Variants in GTF2F2 observed in about 807,000 individuals in gnomAD.
GTF2F2 encodes ATP-dependent helicase GTF2F2.
A neutral mutation model predicts 42.2 loss-of-function variants in GTF2F2; 23 were observed. The ratio of observed to expected loss-of-function variants is 0.55; its 90% CI spans 0.39 to 0.77. GTF2F2 has a LOEUF of 0.77. Ranked by LOEUF, GTF2F2 falls within the 30% of genes least tolerant of loss-of-function variation. The pLI, the probability that GTF2F2 is intolerant of heterozygous loss-of-function variation, is 0.00. For synonymous variants in GTF2F2, 105 were observed against 100.8 expected (o/e 1.04, Z -0.25); for missense variants, 261 against 287.2 (o/e 0.91, Z 0.66).
chr13:45,239,905 G>GC (rs1272670951), intron 5 of GTF2F2, among the ~76,000 whole-genome samples: 1 of 151,978 alleles, frequency 6.6e-6, no homozygotes, highest in Non-Finnish European at 1.5e-5. Context: ...CCCCCACTCT[G>GC]CCCCTTACAA....
intron 6 of GTF2F2, among the ~76,000 whole-genome samples, chr13:45,266,633 A>T (rs1876571372): frequency 6.6e-6 from 1 of 152,232 alleles, no homozygotes; most frequent in African/African-American, 2.4e-5. Context: ...AGTTAACCGC[A>T]CTGAATTGAT....
At chr13:45,149,839 A>G in intron 3 of GTF2F2, 51 bp downstream of exon 3, 4 of 1,449,258 alleles carry the variant, frequency 2.8e-6, no homozygotes, top group Middle Eastern at 2.0e-4. Flanking sequence ...CTATCTTTTC[A>G]TTAATAATAG....
At chr13:45,234,998 T>C (rs1874882972) in intron 5 of GTF2F2, among the ~76,000 whole-genome samples, 1 of 130,734 alleles carries the variant, frequency 7.6e-6, no homozygotes, top group Admixed American at 9.2e-5. Context: ...TGAGCCAAGA[T>C]TGTGCCATTG....
intron 5 of GTF2F2, among the ~76,000 whole-genome samples, chr13:45,213,232 C>T (rs1487247634): frequency 1.3e-5 from 2 of 152,090 alleles, no homozygotes; most frequent in Admixed American, 6.5e-5. Flanking sequence ...GCACCCGCCA[C>T]CACGCCCGGC....
At chr13:45,237,680 GT>G (rs1875061427) in intron 5 of GTF2F2, among the ~76,000 whole-genome samples, 1 of 152,012 alleles carries the variant, frequency 6.6e-6, no homozygotes, top group Admixed American at 6.6e-5. Context: ...TCAGAGCTTG[GT>G]TTCAGACCTG....
intron 6 of GTF2F2, among the ~76,000 whole-genome samples, chr13:45,264,215 C>T (rs1006302083): frequency 4.6e-5 from 7 of 151,764 alleles, no homozygotes; most frequent in African/African-American, 1.7e-4. Flanking sequence ...CCAACATTAA[C>T]TTCAATTTGA....
intron 6 of GTF2F2, 125 bp from the exon 7 acceptor site, chr13:45,267,108 C>G: frequency 1.5e-6 from 1 of 683,332 alleles, no homozygotes; most frequent in Non-Finnish European, 2.4e-6. Context: ...GAGATCATGC[C>G]ACTGCACTCC....
chr13:45,191,224 A>AAAAAAAAATAT, intron 4 of GTF2F2, among the ~76,000 whole-genome samples: 19 of 75,308 alleles, frequency 2.5e-4, no homozygotes, highest in African/African-American at 1.7e-3. Flanking sequence ...ACAAAAAAAA[A>AAAAAAAAATAT]ATATATATAT....
chr13:45,186,449 A>G (rs1000985760), intron 4 of GTF2F2, among the ~76,000 whole-genome samples: 1 of 148,622 alleles, frequency 6.7e-6, no homozygotes, highest in African/African-American at 2.5e-5. Context: ...CCACCACCAC[A>G]CCCTGCTAAT....
chr13:45,177,965 A>C lies in GTF2F2; in HGVS notation c.304+26134A>C, dbSNP rs551205639. 2.6e-4 allele frequency among the ~76,000 whole-genome samples: 39 copies of C among 152,118 alleles called. No individual in the cohort carries two copies. The South Asian group carries it at 7.9e-3, about 31-fold the overall frequency. ...TTTTTATTTCCTGTGAGTATATACA[A>C]ATTTTTTTGATTATCTTTGATTTTA... On this transcript the variant is annotated intron_variant, in intron 4 of 7. Coordinates refer to ENST00000340473, the MANE Select transcript of GTF2F2 (RefSeq NM_004128.3).
At chr13:45,196,182 G>A (rs965668762) in intron 4 of GTF2F2, among the ~76,000 whole-genome samples, 6 of 152,038 alleles carry the variant, frequency 3.9e-5, no homozygotes, top group Admixed American at 6.6e-5. Context: ...CGTTGAAATC[G>A]AACTAGAAAA....
chr13:45,191,224 A>AAAAAAATAT, intron 4 of GTF2F2, among the ~76,000 whole-genome samples: 1 of 75,344 alleles, frequency 1.3e-5, no homozygotes, highest in African/African-American at 1.0e-4. Context: ...ACAAAAAAAA[A>AAAAAAATAT]ATATATATAT....
intron 5 of GTF2F2, among the ~76,000 whole-genome samples, chr13:45,247,829 G>T (rs528327913): frequency 4.7e-5 from 7 of 147,378 alleles, no homozygotes; most frequent in South Asian, 2.2e-4. Context: ...TGCAGTTTTT[G>T]TTGTTGTTGT....
At chr13:45,152,893 A>G (rs1321441664) in intron 4 of GTF2F2, among the ~76,000 whole-genome samples, 1 of 152,186 alleles carries the variant, frequency 6.6e-6, no homozygotes, top group African/African-American at 2.4e-5. Context: ...CAAAAAGCTT[A>G]TTGACAAAAG....
chr13:45,177,167 T>C (rs1372206456), intron 4 of GTF2F2, among the ~76,000 whole-genome samples: 3 of 151,776 alleles, frequency 2.0e-5, no homozygotes, highest in Non-Finnish European at 4.4e-5. Context: ...TGATGTATTT[T>C]TTTTTAATAA....
chr13:45,234,984 G>T (rs1243495947), intron 5 of GTF2F2, among the ~76,000 whole-genome samples: 1 of 136,592 alleles, frequency 7.3e-6, no homozygotes, highest in Admixed American at 8.3e-5. Context: ...GGCAGAGCTT[G>T]CAGTGAGCCA....
chr13:45,171,433 G>A (rs758559900), intron 4 of GTF2F2, among the ~76,000 whole-genome samples: 3 of 152,118 alleles, frequency 2.0e-5, no homozygotes, highest in Non-Finnish European at 4.4e-5. Context: ...TGAGGGTTCT[G>A]CATGGTGTTG....
chr13:45,187,591 T>G (rs1872478789), intron 4 of GTF2F2, among the ~76,000 whole-genome samples: 2 of 152,342 alleles, frequency 1.3e-5, no homozygotes, highest in South Asian at 2.1e-4. Flanking sequence ...CCTATTTTCC[T>G]TTACCGCCAC....
intron 7 of GTF2F2, among the ~76,000 whole-genome samples, chr13:45,278,519 A>T (rs186220402): frequency 6.6e-6 from 1 of 152,278 alleles, no homozygotes; most frequent in East Asian, 1.9e-4. Flanking sequence ...CCCCAATCCT[A>T]TGTGACATAA....
Sources: gnomAD v4.1 joint callset for allele counts (sites outside exome capture counted in the v4.1 genomes callset) on GRCh38, gnomAD v4.1.1 for gene constraint, MANE v1.5 for transcripts, NCBI Gene and HGNC (gene_info 2026-07-23, HGNC 2026-07-21) for gene names.